The following TNPO2 variants were observed in gnomAD, a reference collection of about 807,000 sequenced individuals.
TNPO2 encodes transportin-2.
A neutral mutation model predicts 111.1 loss-of-function variants in TNPO2; 16 were observed. The observed-to-expected ratio is 0.14, with a 90% CI of 0.10 to 0.22. TNPO2 has a LOEUF of 0.22. Ranked by LOEUF, TNPO2 falls within the 10% of genes least tolerant of loss-of-function variation. TNPO2 has a pLI of 1.00. For missense variants in TNPO2, 530 were observed against 1,173.7 expected, an observed-to-expected ratio of 0.45 and a Z score of 8.01; for synonymous variants, 481 against 475.8, an observed-to-expected ratio of 1.01 and a Z score of -0.14.
chr19:12,702,392 TTTTTG>T lies in TNPO2; in HGVS notation c.2306-220_2306-216del. On this transcript the variant is annotated intron_variant, in intron 21 of 25. Transcript: ENST00000425528. This position sits in a 1 kb window ranked among gnomAD's most constrained non-coding sequence, Gnocchi z 5.5. ...TTCCTTTCCCTTTCCTTTTTGTTTTTTTTTGTTTTGTTTTGTTTTTGAGATGGAGT... is the reference window on the plus strand; with the variant it reads ...TTCCTTTCCCTTTCCTTTTTGTTTTTTTTTGTTTTGTTTTTGAGATGGAGT... 7.3e-6 allele frequency: 5 copies of T among 685,002 alleles called. No homozygotes were observed. Among genetic ancestry groups the T allele is most frequent in the South Asian group, 3.0e-5 (2 of 66,232 alleles). The allele number at this position is 685,002 out of a possible 1,614,324, so 42.4% of individuals were successfully genotyped here.
In TNPO2 at chr19:12,706,243, C is replaced by T; in HGVS notation, c.1621G>A (p.Ala541Thr). ...ACAGAGTCGGCCAGGGTGCCAATGG[C>T]GTCATAGAGGATGAGCAGGTTCTTG... ...QHKNLLILYD[A>T]IGTLADSVGH... Residue 541 changes from alanine to threonine, a missense_variant, in exon 15 of 26, where the codon GCC becomes ACC. Around this residue, in one of 4 missense-constraint regions of TNPO2, gnomAD observed 183 missense variants for 481.0 expected, o/e 0.38. Coordinates refer to ENST00000425528, the MANE Select transcript of TNPO2 (RefSeq NM_001382241.1). This position sits in a 1 kb window ranked among gnomAD's most constrained non-coding sequence, Gnocchi z 7.0. 6.2e-7 allele frequency: 1 copy of T among 1,613,890 alleles called. No individual in the cohort carries two copies. Among genetic ancestry groups the T allele is most frequent in the Non-Finnish European group, 8.5e-7 (1 of 1,179,870 alleles).
chr19:12,711,055 C>A (rs901345899), intron 12 of TNPO2, among the ~76,000 whole-genome samples: 1 of 152,100 alleles, frequency 6.6e-6, no homozygotes, highest in African/African-American at 2.4e-5. Flanking sequence ...ACACCACGCC[C>A]GACTAATTTT....
chr19:12,703,340 A>C, intron 20 of TNPO2, 88 bp downstream of exon 20: 9 of 1,241,036 alleles, frequency 7.3e-6, no homozygotes, highest in Non-Finnish European at 9.4e-6. Flanking sequence ...CTTGCCTTGA[A>C]GGAAGCTGTC....
At chr19:12,716,103 T>C (rs1394478313) in intron 5 of TNPO2, among the ~76,000 whole-genome samples, 1 of 152,144 alleles carries the variant, frequency 6.6e-6, no homozygotes, top group Non-Finnish European at 1.5e-5. Flanking sequence ...ACTCCTGGCC[T>C]CAAGCAATCC....
chr19:12,701,532 T>A lies in TNPO2; in HGVS notation c.2586+66A>T. 6.2e-7 allele frequency: 1 copy of A among 1,602,710 alleles called. No homozygotes were observed. Among genetic ancestry groups the A allele is most frequent in the Non-Finnish European group, 8.5e-7 (1 of 1,170,068 alleles). On this transcript the variant is annotated intron_variant, in intron 24 of 25. Transcript: ENST00000425528. The surrounding 1 kb of genome is among the most constrained non-coding windows in gnomAD (Gnocchi z 5.0). ...CCTCTTCCCCCATCCCCAGGCCCCATTGTTACCAGATGGTCTCACCCCTGC... is the reference window on the plus strand; with the variant it reads ...CCTCTTCCCCCATCCCCAGGCCCCAATGTTACCAGATGGTCTCACCCCTGC...
chr19:12,710,864 T>C, intron 12 of TNPO2, 91 bp from the exon 13 acceptor site: 1 of 1,263,630 alleles, frequency 7.9e-7, no homozygotes, highest in Non-Finnish European at 1.1e-6. Flanking sequence ...TCAGAGATCA[T>C]GCTCAGAATC....
Position 12,701,153 on chromosome 19 carries a change from C to A in TNPO2, c.*111G>T. 1 of 536,990 alleles carries A rather than the reference C, an allele frequency of 1.9e-6. No individual in the cohort carries two copies. Among genetic ancestry groups the A allele is most frequent in the Non-Finnish European group, 3.3e-6 (1 of 303,090 alleles). The allele number at this position is 536,990 out of a possible 1,614,324, so 33.3% of individuals were successfully genotyped here. ...GGCATCTGGATTTGAGTCCCACTCA[C>A]TCCTCCCTAACCCCCCTCAACCAGG... On this transcript the variant is annotated 3_prime_UTR_variant, in exon 26 of 26. Coordinates refer to ENST00000425528, the MANE Select transcript of TNPO2 (RefSeq NM_001382241.1). The surrounding 1 kb of genome is among the most constrained non-coding windows in gnomAD (Gnocchi z 5.0).
chr19:12,719,206 G>A lies in TNPO2; in HGVS notation c.176-28C>T, dbSNP rs757703789. ...GGGAGGAGGAAGGCTGAGGTTCAGGGGCCCAGGGGGAGAAAGCAGGGTCCC... is the reference window on the plus strand; with the variant it reads ...GGGAGGAGGAAGGCTGAGGTTCAGGAGCCCAGGGGGAGAAAGCAGGGTCCC... On this transcript the variant is annotated intron_variant, in intron 4 of 25. Transcript: ENST00000425528. The surrounding 1 kb of genome is among the most constrained non-coding windows in gnomAD (Gnocchi z 5.0). The A allele has an allele frequency of 1.9e-6, 3 of 1,613,882 alleles. No homozygotes were observed. The highest frequency in any genetic ancestry group is 1.1e-5 in the South Asian group (1 of 91,090).
In TNPO2 at chr19:12,706,451, G is replaced by T; in HGVS notation, c.1497-84C>A. 6.3e-7 allele frequency: 1 copy of T among 1,582,566 alleles called. No individual in the cohort carries two copies. The highest frequency in any genetic ancestry group is 8.7e-7 in the Non-Finnish European group (1 of 1,152,132). On this transcript the variant is annotated intron_variant, in intron 14 of 25. Transcript: ENST00000425528. The surrounding 1 kb of genome is among the most constrained non-coding windows in gnomAD (Gnocchi z 7.0). The stretch of plus-strand genomic sequence containing the variant: ...ATGGGCAGTTGGGGAGGGCAACTCA[G>T]GATCAGCCAGTACGAATACGCGATA...
At chr19:12,709,156 T>G (rs907850647) in intron 13 of TNPO2, among the ~76,000 whole-genome samples, 1 of 151,904 alleles carries the variant, frequency 6.6e-6, no homozygotes, top group African/African-American at 2.4e-5. Flanking sequence ...GGTCAGGAGA[T>G]AGAGACCATC....
chr19:12,702,500 G>A lies in TNPO2; in HGVS notation c.2305+323C>T, dbSNP rs2025382257. 1 of 542,774 alleles carries A rather than the reference G, an allele frequency of 1.8e-6. No homozygotes were observed. The allele number at this position is 542,774 out of a possible 1,614,324, so 33.6% of individuals were successfully genotyped here. A position where few individuals can be genotyped will look rare whatever the true frequency, so the allele number is the denominator to read the frequency against. On this transcript the variant is annotated intron_variant, in intron 21 of 25. Coordinates refer to ENST00000425528, the MANE Select transcript of TNPO2 (RefSeq NM_001382241.1). This position sits in a 1 kb window ranked among gnomAD's most constrained non-coding sequence, Gnocchi z 5.5. ...ACCTGCCTCAGCCTCCCGAGTAGCTGGGATTGCAGGCACGTGCCATTACCC... is the reference window on the plus strand; with the variant it reads ...ACCTGCCTCAGCCTCCCGAGTAGCTAGGATTGCAGGCACGTGCCATTACCC...
chr19:12,705,745 G>A lies in TNPO2; in HGVS notation c.1692C>T (p.Pro564=), dbSNP rs7248726. The A allele has an allele frequency of 6.8e-7, 1 of 1,469,866 alleles. No homozygotes were observed. The highest frequency in any genetic ancestry group is 2.6e-5 in the Admixed American group (1 of 38,114). The allele number at this position is 1,469,866 out of a possible 1,614,324, so 91.1% of individuals were successfully genotyped here. A position where few individuals can be genotyped will look rare whatever the true frequency, so the allele number is the denominator to read the frequency against. The change falls in exon 16 of 26, where the codon CCC becomes CCT. Residue 564 remains proline (P), a synonymous_variant. Coordinates refer to ENST00000425528, the MANE Select transcript of TNPO2 (RefSeq NM_001382241.1). This position sits in a 1 kb window ranked among gnomAD's most constrained non-coding sequence, Gnocchi z 7.2. ...GCTCATTCCACTTCTGGATCAGTGG[G>A]GGCATCAGCTTCTGGATGTATTCCT... The part of the protein sequence containing the change: ...NQPEYIQKLM[P]PLIQKWNELK...
chr19:12,703,368 C>T (rs2025441051), intron 20 of TNPO2, 60 bp downstream of exon 20: 2 of 1,513,436 alleles, frequency 1.3e-6, no homozygotes, highest in South Asian at 1.1e-5. Context: ...GCTAGGCTCC[C>T]GCCCCCAGGT....
At chr19:12,723,207 T>G (rs1295308693) in intron 2 of TNPO2, 42 bp downstream of exon 2, 1 of 152,160 alleles carries the variant, frequency 6.6e-6, no homozygotes, top group Non-Finnish European at 1.5e-5. Context: ...CGAAATGAAC[T>G]AATAAAATAA....
In TNPO2 at chr19:12,701,609, T is replaced by G. The variant is rs772950353; in HGVS notation, c.2575A>C (p.Met859Leu). 6 of 1,613,580 alleles carry G rather than the reference T, an allele frequency of 3.7e-6. No homozygotes were observed. Among genetic ancestry groups the G allele is most frequent in the Non-Finnish European group, 5.1e-6 (6 of 1,179,852 alleles). The stretch of plus-strand genomic sequence containing the variant: ...AGACAGAGCCTCACCTTATAAAACA[T>G]GTCCCGAAGGTCATCCTTCGGGCTC... Reference protein sequence around the residue: ...WVSPKDDLRDMFYKILHGFKD... With the variant: ...WVSPKDDLRDLFYKILHGFKD... Residue 859 changes from methionine to leucine, a missense_variant, in exon 24 of 26, where the codon ATG becomes CTG. Around this residue, in one of 4 missense-constraint regions of TNPO2, gnomAD observed 103 missense variants for 156.7 expected, o/e 0.66. Transcript: ENST00000425528. The surrounding 1 kb of genome is among the most constrained non-coding windows in gnomAD (Gnocchi z 5.0).
At chr19:12,718,907 T>C in intron 5 of TNPO2, 122 bp downstream of exon 5, 1 of 1,303,884 alleles carries the variant, frequency 7.7e-7, no homozygotes, top group Non-Finnish European at 1.1e-6. Context: ...ATCTATCAAA[T>C]GGCAATAGTA....
chr19:12,716,210 C>T (rs1238341249), intron 5 of TNPO2, among the ~76,000 whole-genome samples: 1 of 152,192 alleles, frequency 6.6e-6, no homozygotes, highest in African/African-American at 2.4e-5. Flanking sequence ...TCAGTAGGCA[C>T]CCTGAGCCTT....
At position 12,721,214 on chromosome 19, in the gene TNPO2, G is replaced by T; in HGVS notation, c.-13-224C>A. 7.3e-7 allele frequency: 1 copy of T among 1,361,466 alleles called. No homozygotes were observed. Among genetic ancestry groups the T allele is most frequent in the Non-Finnish European group, 9.4e-7 (1 of 1,062,052 alleles). The allele number at this position is 1,361,466 out of a possible 1,614,324, so 84.3% of individuals were successfully genotyped here. A position where few individuals can be genotyped will look rare whatever the true frequency, so the allele number is the denominator to read the frequency against. On this transcript the variant is annotated intron_variant, in intron 2 of 25. Coordinates refer to ENST00000425528, the MANE Select transcript of TNPO2 (RefSeq NM_001382241.1). This position sits in a 1 kb window ranked among gnomAD's most constrained non-coding sequence, Gnocchi z 4.9. ...AGCGCGGGAGGGGGGATGTGGAAACGGGCCACAGGCGGCGGCGGCGGGGCC... is the reference window on the plus strand; with the variant it reads ...AGCGCGGGAGGGGGGATGTGGAAACTGGCCACAGGCGGCGGCGGCGGGGCC...
In TNPO2 at chr19:12,715,391, G is replaced by A; in HGVS notation, c.566+14C>T. The A allele has an allele frequency of 2.5e-6, 4 of 1,613,918 alleles. No homozygotes were observed. Among genetic ancestry groups the A allele is most frequent in the Non-Finnish European group, 3.4e-6 (4 of 1,179,864 alleles). The stretch of plus-strand genomic sequence containing the variant: ...CTCCAGGCTCCCTGGAAGCCCCCAG[G>A]GAGCTGCACCCACCGGATCTTGGGA... On this transcript the variant is annotated intron_variant, in intron 7 of 25. Coordinates refer to ENST00000425528, the MANE Select transcript of TNPO2 (RefSeq NM_001382241.1). The surrounding 1 kb of genome is among the most constrained non-coding windows in gnomAD (Gnocchi z 7.1).
Sources: allele counts gnomAD v4.1 joint callset (sites outside exome capture counted in the v4.1 genomes callset), GRCh38; gene constraint gnomAD v4.1.1; regional missense constraint gnomAD v4.1.1; non-coding constraint Gnocchi (gnomAD v3.1); transcripts MANE v1.5; gene names NCBI Gene and HGNC (gene_info 2026-07-23, HGNC 2026-07-21).